The following TUSC3 variants were observed in gnomAD, a reference collection of about 807,000 sequenced individuals.
The protein encoded by TUSC3 is tumor suppressor candidate 3.
TUSC3 carries 45 observed loss-of-function variants against 44.8 expected under a neutral mutation model. That is an observed-to-expected ratio of 1.00 (90% CI 0.79 to 1.29). The LOEUF (loss-of-function observed/expected upper bound fraction) is 1.29, where lower values mean the gene tolerates loss of function less well. Among genes scored for constraint, TUSC3 ranks in the 50% most tolerant of loss-of-function variants. The pLI is 0.00. For missense variants in TUSC3, 519 were observed against 437.9 expected (o/e 1.19, Z -1.65); for synonymous variants, 212 against 152.9 (o/e 1.39, Z -2.85).
chr8:15,426,383 C>A (rs1440081648), intron 1 of TUSC3, among the ~76,000 whole-genome samples: 1 of 152,314 alleles, frequency 6.6e-6, no homozygotes, highest in African/African-American at 2.4e-5. Flanking sequence ...AAACTTGATG[C>A]CCATTAAAAA....
chr8:15,627,973 C>G (rs1019329001), intron 2 of TUSC3, among the ~76,000 whole-genome samples: 2 of 152,168 alleles, frequency 1.3e-5, no homozygotes, highest in Non-Finnish European at 2.9e-5. Flanking sequence ...ACAGAGGTTT[C>G]CATCTGGCGA....
intron 2 of TUSC3, among the ~76,000 whole-genome samples, chr8:15,531,764 G>T (rs1801453896): frequency 6.6e-6 from 1 of 152,306 alleles, no homozygotes; most frequent in African/African-American, 2.4e-5. Flanking sequence ...CCTTCTGCCT[G>T]TAACATTTCC....
At chr8:15,539,345 C>CTTTGTTTTTTTTTT (rs1801592204), upstream of TUSC3, among the ~76,000 whole-genome samples, 1 of 69,396 alleles carries the variant, frequency 1.4e-5, no homozygotes, top group Non-Finnish European at 2.5e-5. Flanking sequence ...TGCTATGGTT[C>CTTTGTTTTTTTTTT]TTTTTTTTTT....
At chr8:15,678,039 C>G (rs1291510717) in intron 6 of TUSC3, among the ~76,000 whole-genome samples, 3 of 152,100 alleles carry the variant, frequency 2.0e-5, no homozygotes, top group African/African-American at 7.2e-5. Context: ...GGAAGGAAAG[C>G]AGTCAAAAAA....
intron 1 of TUSC3, among the ~76,000 whole-genome samples, chr8:15,594,785 G>A (rs1803994633): frequency 6.6e-6 from 1 of 152,150 alleles, no homozygotes; most frequent in Admixed American, 6.5e-5. Context: ...TGGTGAGATG[G>A]AATGTCTTTT....
chr8:15,691,912 C>G (rs1166264593), intron 6 of TUSC3, among the ~76,000 whole-genome samples: 1 of 152,048 alleles, frequency 6.6e-6, no homozygotes, highest in Non-Finnish European at 1.5e-5. Flanking sequence ...ACCCAAGTAA[C>G]TGGGATTACA....
At chr8:15,748,952 A>G (rs367854835) in intron 9 of TUSC3, 1 of 351,996 alleles carries the variant, frequency 2.8e-6, no homozygotes, top group South Asian at 2.3e-5. Flanking sequence ...CGAGTATCTC[A>G]TAAGATTTTC....
At chr8:15,510,433 C>T (rs1488750420) in intron 2 of TUSC3, among the ~76,000 whole-genome samples, 18 of 151,876 alleles carry the variant, frequency 1.2e-4, no homozygotes, top group Non-Finnish European at 2.6e-4. Context: ...ATTACAGGTG[C>T]TAAAGTGATA....
chr8:15,843,379 C>G, the TUSC3 span, among the ~76,000 whole-genome samples: 8 of 152,076 alleles, frequency 5.3e-5, no homozygotes, highest in Non-Finnish European at 1.2e-4. Flanking sequence ...TACCATGCTA[C>G]ATGTTTTAAG....
intron 1 of TUSC3, among the ~76,000 whole-genome samples, chr8:15,596,202 G>A (rs190962176): frequency 3.9e-5 from 6 of 152,212 alleles, no homozygotes; most frequent in East Asian, 1.9e-4. Context: ...ATGATATGAC[G>A]TTTTTGAAAT....
At chr8:15,455,013 G>C (rs992741270) in intron 1 of TUSC3, among the ~76,000 whole-genome samples, 1 of 152,172 alleles carries the variant, frequency 6.6e-6, no homozygotes, top group African/African-American at 2.4e-5. Flanking sequence ...GGGAATCTTA[G>C]GGGTTGGAGG....
At chr8:15,798,069 G>A in the TUSC3 span, among the ~76,000 whole-genome samples, 10 of 152,288 alleles carry the variant, frequency 6.6e-5, no homozygotes, top group East Asian at 7.7e-4. Context: ...CATAAGGTAC[G>A]GAGCTATTTC....
intron 1 of TUSC3, among the ~76,000 whole-genome samples, chr8:15,427,604 T>C (rs73189463): frequency 0.14 from 21,050 of 152,032 alleles, 1,558 homozygotes; most frequent in Middle Eastern, 0.21. Context: ...GTACTTTCCT[T>C]CCTTTCATTC....
Position 15,501,190 on chromosome 8 carries a change from C to T in TUSC3, n.189+17707C>T, listed in dbSNP as rs143732483. Among the ~76,000 whole-genome samples the T allele has an allele frequency of 3.4e-3, 516 of 152,282 alleles. 1 individual carries two copies. Among genetic ancestry groups the T allele is most frequent in the African/African-American group, 0.012 (493 of 41,564 alleles). On this transcript the variant is annotated intron_variant and non_coding_transcript_variant, in intron 2 of 5. Transcript: ENST00000503191. ...ACAAAAGACTGCAAGGTTTCTCTAACATGTTTTTCCCTTTTGAGGATTTGC... is the reference window on the plus strand; with the variant it reads ...ACAAAAGACTGCAAGGTTTCTCTAATATGTTTTTCCCTTTTGAGGATTTGC...
chr8:15,622,286 T>A (rs998188088), intron 1 of TUSC3, among the ~76,000 whole-genome samples: 4 of 152,144 alleles, frequency 2.6e-5, no homozygotes, highest in Non-Finnish European at 5.9e-5. Context: ...AAGAGCCTTT[T>A]TTTTTCCTTC....
chr8:15,648,094 A>T (rs191707150), intron 2 of TUSC3, among the ~76,000 whole-genome samples: 3 of 151,998 alleles, frequency 2.0e-5, no homozygotes, highest in Admixed American at 2.0e-4. Context: ...CCTCTCCTCT[A>T]TTTCTGTGAT....
intron 2 of TUSC3, among the ~76,000 whole-genome samples, chr8:15,497,676 C>A (rs112942229): frequency 6.6e-6 from 1 of 152,028 alleles, no homozygotes. Context: ...TGTGTAATAG[C>A]TGGAAGGAAA....
chr8:15,638,249 T>G (rs893927761), intron 2 of TUSC3, among the ~76,000 whole-genome samples: 1 of 151,942 alleles, frequency 6.6e-6, no homozygotes, highest in Admixed American at 6.6e-5. Flanking sequence ...CTTGCATGGA[T>G]TACTGAAGTT....
intron 2 of TUSC3, among the ~76,000 whole-genome samples, chr8:15,530,147 C>G (rs73665431): frequency 0.031 from 4,748 of 151,844 alleles, 83 homozygotes; most frequent in East Asian, 0.082. Flanking sequence ...GGGCTGAAGT[C>G]TCTGCTTACA....
Sources: allele counts gnomAD v4.1 joint callset (sites outside exome capture counted in the v4.1 genomes callset), GRCh38; gene constraint gnomAD v4.1.1; transcripts MANE v1.5; gene names NCBI Gene and HGNC (gene_info 2026-07-23, HGNC 2026-07-21).